The following SPINK8 variants were observed in gnomAD, a reference collection of about 807,000 sequenced individuals.
The protein encoded by SPINK8 is serine peptidase inhibitor Kazal type 8 (putative).
A neutral mutation model predicts 14.4 loss-of-function variants in SPINK8; 12 were observed. The observed-to-expected ratio is 0.83, with a 90% CI of 0.53 to 1.35. The LOEUF (loss-of-function observed/expected upper bound fraction) is 1.35, where lower values mean the gene tolerates loss of function less well. SPINK8 is among the 40% of genes most tolerant of loss of function. The pLI, the probability that SPINK8 is intolerant of heterozygous loss-of-function variation, is 0.00. For synonymous variants in SPINK8, 32 were observed against 37.6 expected (o/e 0.85, Z 0.55); for missense variants, 103 against 117.0 (o/e 0.88, Z 0.55).
chr3:48,313,108 C>T lies in SPINK8; in HGVS notation c.240-3162G>A, dbSNP rs542164570. Among the ~76,000 whole-genome samples the T allele has an allele frequency of 1.1e-4, 17 of 151,124 alleles. 2 individuals carry two copies. In the South Asian group the frequency reaches 2.5e-3, roughly 22 times the overall value. ...GTGGTTTTTTGGGTGTAATAGCAAA[C>T]GTAAGAACAACAAAAGAAAAAATAG... On this transcript the variant is annotated intron_variant, in intron 6 of 7. Coordinates refer to ENST00000434006, the MANE Select transcript of SPINK8 (RefSeq NM_001080525.3).
In SPINK8 at chr3:48,322,726, T is replaced by C. The variant is rs1412818187; in HGVS notation, c.68-1652A>G. Among the ~76,000 whole-genome samples, 5 of 152,350 alleles carry C rather than the reference T, an allele frequency of 3.3e-5. No individual in the cohort carries two copies. The East Asian group carries it at 9.6e-4, about 29-fold the overall frequency. On this transcript the variant is annotated intron_variant, in intron 4 of 7. Coordinates refer to ENST00000434006, the MANE Select transcript of SPINK8 (RefSeq NM_001080525.3). ...GTATATGGTTTTTTGTGTCTGTGTT[T>C]TAATGTTCTAACTATATTGTAGCTT...
intron 6 of SPINK8, among the ~76,000 whole-genome samples, chr3:48,313,479 C>G (rs886412045): frequency 3.3e-5 from 5 of 152,100 alleles, no homozygotes; most frequent in African/African-American, 1.2e-4. Context: ...AAAGTACTAG[C>G]AAGGATGTGA....
At chr3:48,323,535 C>A (rs2036102951) in intron 4 of SPINK8, among the ~76,000 whole-genome samples, 3 of 152,204 alleles carry the variant, frequency 2.0e-5, no homozygotes, top group African/African-American at 7.2e-5. Context: ...TCACGAAATT[C>A]ACTCATATTG....
chr3:48,311,443 G>C (rs1294735960), intron 6 of SPINK8, among the ~76,000 whole-genome samples: 1 of 152,120 alleles, frequency 6.6e-6, no homozygotes, highest in Non-Finnish European at 1.5e-5. Context: ...AAAGGAAGAA[G>C]TAAAATGATC....
chr3:48,308,566 AT>A (rs1218036673), intron 7 of SPINK8, among the ~76,000 whole-genome samples: 5 of 152,186 alleles, frequency 3.3e-5, no homozygotes, highest in Non-Finnish European at 7.4e-5. Flanking sequence ...TCTAGTCCAA[AT>A]GTGATGAAAG....
At chr3:48,307,821 C>T (rs1400852343) in intron 7 of SPINK8, among the ~76,000 whole-genome samples, 2 of 152,040 alleles carry the variant, frequency 1.3e-5, no homozygotes, top group Admixed American at 6.6e-5. Context: ...ACTTTTTCTT[C>T]AACGCTCTTC....
chr3:48,316,971 C>T (rs2036001778), intron 6 of SPINK8, among the ~76,000 whole-genome samples: 1 of 152,050 alleles, frequency 6.6e-6, no homozygotes, highest in Admixed American at 6.6e-5. Context: ...GGATCATAAG[C>T]AGAAACTTGA....
intron 3 of SPINK8, 98 bp from the exon 4 acceptor site, chr3:48,328,452 C>A (rs2107114590): frequency 1.3e-6 from 1 of 744,474 alleles, no homozygotes; most frequent in Non-Finnish European, 2.1e-6. Flanking sequence ...AGTCTAAATA[C>A]TTTGTTCTTT....
chr3:48,307,527 C>T (rs975097871), intron 7 of SPINK8, among the ~76,000 whole-genome samples: 1 of 140,052 alleles, frequency 7.1e-6, no homozygotes, highest in African/African-American at 2.7e-5. Flanking sequence ...TCTCTCCCTC[C>T]CTATCTGCCC....
chr3:48,319,592 C>G lies in SPINK8; in HGVS notation c.144G>C (p.Lys48Asn). The G allele has an allele frequency of 6.2e-7, 1 of 1,613,930 alleles. No individual in the cohort carries two copies. The highest frequency in any genetic ancestry group is 8.5e-7 in the Non-Finnish European group (1 of 1,179,884). Residue 48 changes from lysine (K) to asparagine (N), a missense_variant, in exon 6 of 8, where the codon AAG becomes AAC. Transcript: ENST00000434006. ...GCTTGATGTAGGATAAAAACCAGCA[C>G]TTATTTACATTCTTGAGGCATTCAA... ...TIVECLKNVN[K>N]CWFLSYIKPS...
At chr3:48,333,384 A>G (rs71323397) in intron 1 of SPINK8, among the ~76,000 whole-genome samples, 151 bp downstream of exon 1, 32,492 of 151,178 alleles carry the variant, frequency 0.21, 4,295 homozygotes, top group South Asian at 0.3. Flanking sequence ...GGGAGGGGGG[A>G]ACGTTTAAAA....
At chr3:48,310,553 A>G (rs2035912001) in intron 6 of SPINK8, among the ~76,000 whole-genome samples, 1 of 139,102 alleles carries the variant, frequency 7.2e-6, no homozygotes, top group Non-Finnish European at 1.6e-5. Context: ...GCTGGAGTGC[A>G]GTGGCACGAT....
intron 4 of SPINK8, among the ~76,000 whole-genome samples, chr3:48,327,430 A>G (rs2036161071): frequency 6.6e-6 from 1 of 152,204 alleles, no homozygotes; most frequent in Non-Finnish European, 1.5e-5. Flanking sequence ...GAACAAGGAA[A>G]GGGTGATTTG....
chr3:48,321,039 G>C lies in SPINK8; in HGVS notation c.103C>G (p.Leu35Val). Residue 35 changes from leucine (L) to valine (V), a missense_variant, in exon 5 of 8, where the codon CTA becomes GTA. Coordinates refer to ENST00000434006, the MANE Select transcript of SPINK8 (RefSeq NM_001080525.3). ...GCAGTACTCACTATTGTTTTGTCTA[G>C]CTGACCTCTTTCAGAGGCCATAGGA... ...PLPMASERGQLDKTIVECLKN... is the reference protein window; with the variant it reads ...PLPMASERGQVDKTIVECLKN... The C allele has an allele frequency of 1.9e-6, 3 of 1,590,610 alleles. No individual in the cohort carries two copies. The highest frequency in any genetic ancestry group is 2.6e-6 in the Non-Finnish European group (3 of 1,167,378).
chr3:48,328,749 C>T (rs2036179265), intron 3 of SPINK8, among the ~76,000 whole-genome samples: 1 of 152,116 alleles, frequency 6.6e-6, no homozygotes, highest in Non-Finnish European at 1.5e-5. Flanking sequence ...CCAGCCTGGG[C>T]AACATAGCAG....
At chr3:48,323,390 C>G (rs898352346) in intron 4 of SPINK8, among the ~76,000 whole-genome samples, 5 of 152,144 alleles carry the variant, frequency 3.3e-5, no homozygotes, top group African/African-American at 1.2e-4. Flanking sequence ...TGAGCCACCA[C>G]TCCTGGCCAT....
At chr3:48,313,247 A>T (rs1193108774) in intron 6 of SPINK8, among the ~76,000 whole-genome samples, 1 of 152,208 alleles carries the variant, frequency 6.6e-6, no homozygotes, top group Non-Finnish European at 1.5e-5. Flanking sequence ...AGTATTTAGT[A>T]TTCAAAATAT....
At chr3:48,327,639 A>C (rs1252333099) in intron 4 of SPINK8, among the ~76,000 whole-genome samples, 1 of 152,162 alleles carries the variant, frequency 6.6e-6, no homozygotes, top group Non-Finnish European at 1.5e-5. Flanking sequence ...CAGATGATTA[A>C]ATTGGAGAGG....
chr3:48,316,288 T>C (rs978176430), intron 6 of SPINK8: 3 of 155,332 alleles, frequency 1.9e-5, no homozygotes, highest in South Asian at 2.0e-4. Context: ...AGACAAATCA[T>C]TATAAAATTG....
Sources: allele counts gnomAD v4.1 joint callset (sites outside exome capture counted in the v4.1 genomes callset), GRCh38; gene constraint gnomAD v4.1.1; transcripts MANE v1.5; gene names NCBI Gene and HGNC (gene_info 2026-07-23, HGNC 2026-07-21).